WDFY3: variants seen among roughly 807,000 people sequenced by gnomAD.
WDFY3 encodes the protein WD repeat and FYVE domain-containing protein 3.
A neutral mutation model predicts 409.6 loss-of-function variants in WDFY3; 66 were observed. The observed-to-expected ratio is 0.16, with a 90% CI of 0.13 to 0.20. The LOEUF is 0.20. Among genes scored for constraint, WDFY3 ranks in the 10% least tolerant of loss-of-function variants. The probability of loss-of-function intolerance (pLI) is 1.00; values close to 1 mark genes in which losing one functional copy is unlikely to be tolerated. For missense variants in WDFY3, 3,031 were observed against 4,298.1 expected, an observed-to-expected ratio of 0.71 and a Z score of 8.24; for synonymous variants, 1,521 against 1,537.1, an observed-to-expected ratio of 0.99 and a Z score of 0.25.
At chr4:84,733,296 TA>T in intron 44 of WDFY3, 85 bp downstream of exon 44, 1 of 1,387,656 alleles carries the variant, frequency 7.2e-7, no homozygotes, top group East Asian at 2.3e-5. Flanking sequence ...CTATTTGAGG[TA>T]ATTGACTAAA....
chr4:84,895,723 G>A (rs1471482101), intron 3 of WDFY3, among the ~76,000 whole-genome samples: 3 of 152,236 alleles, frequency 2.0e-5, no homozygotes, highest in African/African-American at 7.2e-5. Flanking sequence ...GGCAGTGCCA[G>A]TAGAGGTAAG....
intron 53 of WDFY3, among the ~76,000 whole-genome samples, chr4:84,708,118 A>T (rs956669709): frequency 6.6e-5 from 10 of 152,180 alleles, no homozygotes; most frequent in African/African-American, 2.4e-4. Flanking sequence ...ATCAGACAGG[A>T]GGCAAAGGAA....
intron 7 of WDFY3, among the ~76,000 whole-genome samples, chr4:84,835,268 G>C (rs1263000724): frequency 6.6e-6 from 1 of 152,090 alleles, no homozygotes; most frequent in Non-Finnish European, 1.5e-5. Context: ...TCTTTAAAAG[G>C]GGTTTATTGA....
Position 84,735,088 on chromosome 4 carries a change from A to G in WDFY3, c.6948T>C (p.Ala2316=). The G allele has an allele frequency of 6.2e-7, 1 of 1,613,414 alleles. No homozygotes were observed. Among genetic ancestry groups the G allele is most frequent in the South Asian group, 1.1e-5 (1 of 91,068 alleles). Residue 2316 remains alanine, a synonymous_variant, in exon 43 of 68, where the codon GCT becomes GCC. Coordinates refer to ENST00000295888, the MANE Select transcript of WDFY3 (RefSeq NM_014991.6). ...GTGTATCTACTAAGTCACGAACAACAGCAATGTGAGTAAACATCCACTGCG... is the reference window on the plus strand; with the variant it reads ...GTGTATCTACTAAGTCACGAACAACGGCAATGTGAGTAAACATCCACTGCG... ...EISQWMFTHI[A]VVRDLVDTQY...
intron 13 of WDFY3, among the ~76,000 whole-genome samples, chr4:84,816,759 G>A (rs184122201): frequency 7.2e-5 from 11 of 152,172 alleles, no homozygotes; most frequent in Admixed American, 6.5e-4. Context: ...GAATGTGAGT[G>A]TATAAATCTG....
intron 64 of WDFY3, 34 bp downstream of exon 64, chr4:84,682,340 A>C: frequency 6.3e-7 from 1 of 1,583,164 alleles, no homozygotes; most frequent in East Asian, 2.2e-5. Context: ...AAATATGAAA[A>C]CGATTTGAGT....
At chr4:84,728,622 TG>T (rs1736054533) in intron 44 of WDFY3, among the ~76,000 whole-genome samples, 1 of 152,140 alleles carries the variant, frequency 6.6e-6, no homozygotes, top group Non-Finnish European at 1.5e-5. Flanking sequence ...CACACCTAAC[TG>T]TGACATTCAC....
rs1402280647 is a variant in WDFY3, at chr4:84,778,726, C to T, written c.4366-71G>A. On this transcript the variant is annotated intron_variant, in intron 26 of 67. Transcript: ENST00000295888. The stretch of plus-strand genomic sequence containing the variant: ...TATTCATTACACACACACAAACACA[C>T]ACATACACACACAAACACACACATA... The T allele has an allele frequency of 4.1e-6, 6 of 1,461,402 alleles. No homozygotes were observed. The African/African-American group carries it at 4.2e-5, about 10-fold the overall frequency. 90.5% of individuals were successfully genotyped at this position (1,461,402 alleles called of 1,614,324 possible). A position where few individuals can be genotyped will look rare whatever the true frequency, so the allele number is the denominator to read the frequency against.
At chr4:84,905,994 T>C (rs1766993573) in intron 2 of WDFY3, among the ~76,000 whole-genome samples, 1 of 152,194 alleles carries the variant, frequency 6.6e-6, no homozygotes, top group South Asian at 2.1e-4. Flanking sequence ...ATTTCTTCCA[T>C]GGTCTGCGCT....
At position 84,741,855 on chromosome 4, in the gene WDFY3, T is replaced by A. The variant is rs1738492431; in HGVS notation, c.6140A>T (p.Tyr2047Phe). The A allele has an allele frequency of 6.2e-7, 1 of 1,612,998 alleles. No individual in the cohort carries two copies. The highest frequency in any genetic ancestry group is 8.5e-7 in the Non-Finnish European group (1 of 1,179,210). ...SYQVLVNNVF[Y>F]FTQRVVDKLW... is the part of the protein sequence containing the mutation. ...CTTGTCCACCACACGCTGTGTGAAA[T>A]AAAACACATTGTTCACCAATACCTG... The change falls in exon 38 of 68, where the codon TAT becomes TTT. Residue 2047 changes from tyrosine (Y) to phenylalanine (F), a missense_variant. Tyr to Phe is a conservative substitution (Grantham distance 22, BLOSUM62 3). This residue lies in a region of WDFY3 where 314 missense variants were observed against 397.4 expected (regional missense o/e 0.79). Transcript: ENST00000295888.
intron 32 of WDFY3, among the ~76,000 whole-genome samples, chr4:84,761,892 G>C (rs1560692389): frequency 6.6e-6 from 1 of 152,158 alleles, no homozygotes; most frequent in Non-Finnish European, 1.5e-5. Context: ...TCAGAGAAAT[G>C]CAAATCAAAA....
At chr4:84,845,271 T>G (rs866828196) in intron 5 of WDFY3, among the ~76,000 whole-genome samples, 41 of 152,276 alleles carry the variant, frequency 2.7e-4, no homozygotes, top group African/African-American at 9.1e-4. Context: ...ACTTCACCTG[T>G]TTTTTTGTAG....
At chr4:84,957,791 G>A (rs1774430905) in intron 1 of WDFY3, among the ~76,000 whole-genome samples, 1 of 152,134 alleles carries the variant, frequency 6.6e-6, no homozygotes. Context: ...TTCTGGTGCT[G>A]GGCTTTTCAC....
intron 3 of WDFY3, among the ~76,000 whole-genome samples, chr4:84,884,920 G>A (rs543686915): frequency 1.3e-5 from 2 of 152,228 alleles, no homozygotes; most frequent in African/African-American, 2.4e-5. Context: ...AGTCACATAC[G>A]GAGGTGCGTT....
chr4:84,671,355 A>C lies in WDFY3; in HGVS notation c.*1513T>G, dbSNP rs1171781631. On this transcript the variant is annotated 3_prime_UTR_variant, in exon 68 of 68. Coordinates refer to ENST00000295888, the MANE Select transcript of WDFY3 (RefSeq NM_014991.6). The stretch of plus-strand genomic sequence containing the variant: ...AAGGCCTTTCCTTTCGCACCTGTGA[A>C]GGTGTGAAGGCCTATCTTGGGCCAT... 6.6e-6 allele frequency: 1 copy of C among 152,550 alleles called. No homozygotes were observed. The highest frequency in any genetic ancestry group is 2.4e-5 in the African/African-American group (1 of 41,420). 9.4% of individuals were successfully genotyped at this position (152,550 alleles called of 1,614,324 possible).
intron 36 of WDFY3, among the ~76,000 whole-genome samples, chr4:84,749,093 C>T (rs1055684348): frequency 1.3e-5 from 2 of 151,960 alleles, no homozygotes; most frequent in Non-Finnish European, 2.9e-5. Context: ...CACCTGTTGC[C>T]CGGGTTGGTC....
At chr4:84,748,802 C>T (rs959874683) in intron 36 of WDFY3, among the ~76,000 whole-genome samples, 1 of 152,108 alleles carries the variant, frequency 6.6e-6, no homozygotes, top group Non-Finnish European at 1.5e-5. Context: ...TGAAGATGCT[C>T]TGGTTCACAT....
chr4:84,783,083 T>C lies in WDFY3; in HGVS notation c.4063-9A>G, dbSNP rs187613032. 1.4e-3 allele frequency: 2,318 copies of C among 1,608,554 alleles called. 49 individuals are homozygous for C. The Admixed American group carries it at 0.037, about 26-fold the overall frequency. On this transcript the variant is annotated splice_polypyrimidine_tract_variant and intron_variant, in intron 24 of 67. Coordinates refer to ENST00000295888, the MANE Select transcript of WDFY3 (RefSeq NM_014991.6). ...TGTGAGGAAATGCCTAACTGAAAAA[T>C]AGGAAAGGAAAAGAATGTAATTATA...
rs199672909 is a variant in WDFY3, at chr4:84,672,878, C to T, written c.10571G>A (p.Arg3524Gln). The change falls in exon 68 of 68, where the codon CGA (arginine) becomes CAA (glutamine). Residue 3524 changes from arginine (R) to glutamine (Q), a missense_variant. By Grantham distance (43) the Arg-to-Gln change is conservative. Around this residue, in one of 16 missense-constraint regions of WDFY3, gnomAD observed 378 missense variants for 477.3 expected, o/e 0.79. Transcript: ENST00000295888. Reference protein sequence around the residue: ...QHERGSEDGPRNC With the variant: ...QHERGSEDGPQNC ...CAGCTTGTTGAATCTTCAACAATTT[C>T]GAGGCCCATCTTCTGAACCTCTCTC... is the stretch of plus-strand genomic sequence containing the variant. 37 of 1,613,868 alleles carry T rather than the reference C, an allele frequency of 2.3e-5. No homozygotes were observed. The highest frequency in any genetic ancestry group is 4.5e-5 in the East Asian group (2 of 44,872).
Sources: allele counts gnomAD v4.1 joint callset (sites outside exome capture counted in the v4.1 genomes callset), GRCh38; gene constraint gnomAD v4.1.1; regional missense constraint gnomAD v4.1.1; transcripts MANE v1.5; gene names NCBI Gene and HGNC (gene_info 2026-07-23, HGNC 2026-07-21).